Variants in MED13 observed in about 807,000 individuals in gnomAD.
MED13 encodes the protein mediator complex subunit 13, also known as mediator of RNA polymerase II transcription subunit 13.
A neutral mutation model predicts 225.2 loss-of-function variants in MED13; 23 were observed. The observed-to-expected ratio is 0.10, with a 90% confidence interval of 0.07 to 0.14. The LOEUF is 0.14. Among genes scored for constraint, MED13 ranks in the 10% least tolerant of loss-of-function variants. The pLI is 1.00. For synonymous variants in MED13, 942 were observed against 889.2 expected (o/e 1.06, Z -1.06); for missense variants, 2,197 against 2,594.5 (o/e 0.85, Z 3.33).
chr17:61,965,612 T>C, intron 19 of MED13, 144 bp from the exon 20 acceptor site: 1 of 751,744 alleles, frequency 1.3e-6, no homozygotes, highest in East Asian at 2.8e-5. Context: ...TGGTGTGACC[T>C]ACACTTGCTT....
intron 8 of MED13, among the ~76,000 whole-genome samples, chr17:62,017,013 A>C (rs2080588621): frequency 6.6e-6 from 1 of 151,130 alleles, no homozygotes. Flanking sequence ...TCCACCTCAA[A>C]AAATATATAA....
chr17:62,017,893 T>C (rs1285245384), intron 8 of MED13, among the ~76,000 whole-genome samples: 2 of 152,240 alleles, frequency 1.3e-5, no homozygotes, highest in Non-Finnish European at 2.9e-5. Flanking sequence ...GAAAAGCGCT[T>C]GTACGACTGA....
chr17:62,048,077 T>C (rs2080918280), intron 3 of MED13, among the ~76,000 whole-genome samples: 1 of 147,052 alleles, frequency 6.8e-6, no homozygotes, highest in East Asian at 2.0e-4. Flanking sequence ...TATATGTATA[T>C]ATATATCCCT....
At chr17:62,001,467 CTTA>C (rs748952909) in intron 9 of MED13, among the ~76,000 whole-genome samples, 5 of 152,144 alleles carry the variant, frequency 3.3e-5, no homozygotes, top group Non-Finnish European at 7.4e-5. Flanking sequence ...TTCCAAAATC[CTTA>C]TTTTCTAAAA....
intron 3 of MED13, among the ~76,000 whole-genome samples, chr17:62,043,482 A>C (rs1179595085): frequency 6.6e-6 from 1 of 152,214 alleles, no homozygotes; most frequent in African/African-American, 2.4e-5. Context: ...CCTGACTGAT[A>C]CAAGGTACGG....
chr17:61,992,697 G>GGA, intron 10 of MED13, 76 bp from the exon 11 acceptor site: 2 of 975,716 alleles, frequency 2.0e-6, no homozygotes, highest in Non-Finnish European at 3.3e-6. Context: ...TTGAGGAGCT[G>GGA]TGTGTCAGGC....
At chr17:61,961,541 A>AT in intron 22 of MED13, 47 bp downstream of exon 22, 6 of 1,191,200 alleles carry the variant, frequency 5.0e-6, no homozygotes, top group Non-Finnish European at 7.0e-6. Flanking sequence ...AAAAAAAAAA[A>AT]GGTATGTATA....
chr17:62,064,899 GAGA>G (rs1174800092), intron 1 of MED13, among the ~76,000 whole-genome samples: 3 of 152,234 alleles, frequency 2.0e-5, no homozygotes, highest in Non-Finnish European at 2.9e-5. Context: ...AGACTACGGT[GAGA>G]AGGAGAGTCC....
intron 3 of MED13, among the ~76,000 whole-genome samples, chr17:62,039,573 C>T (rs1352316941): frequency 6.6e-6 from 1 of 150,774 alleles, no homozygotes; most frequent in Non-Finnish European, 1.5e-5. Context: ...CATGAACCAC[C>T]GCACCCAGCC....
At chr17:62,009,356 G>A (rs2080484894) in intron 9 of MED13, among the ~76,000 whole-genome samples, 1 of 151,944 alleles carries the variant, frequency 6.6e-6, no homozygotes, top group Admixed American at 6.6e-5. Context: ...AACTAATGCA[G>A]GATTAATACC....
intron 8 of MED13, among the ~76,000 whole-genome samples, chr17:62,013,656 C>A (rs2080533054): frequency 6.6e-6 from 1 of 152,102 alleles, no homozygotes; most frequent in Admixed American, 6.5e-5. Flanking sequence ...TTTTACTGAA[C>A]GTTTTACCCA....
chr17:62,062,591 ACACACACAC>A (rs951325869), intron 2 of MED13, among the ~76,000 whole-genome samples: 12 of 76,786 alleles, frequency 1.6e-4, no homozygotes, highest in African/African-American at 8.3e-4. Flanking sequence ...ACACACACAC[ACACACACAC>A]CACACACACA....
intron 16 of MED13, 33 bp from the exon 17 acceptor site, chr17:61,972,921 G>T: frequency 6.5e-7 from 1 of 1,546,018 alleles, no homozygotes; most frequent in East Asian, 2.3e-5. Flanking sequence ...AAGTAATTAA[G>T]AATTGCTATT....
chr17:61,992,767 T>C, intron 10 of MED13, 146 bp from the exon 11 acceptor site: 4 of 526,968 alleles, frequency 7.6e-6, no homozygotes, highest in Non-Finnish European at 1.3e-5. Flanking sequence ...GTAAGTAGTA[T>C]GCTTATTATT....
rs61326861 is a variant in MED13 at position 61,955,855 on chromosome 17, T to TAAAAAAAAAAAAAAAAA, written c.5624-34_5624-18dup. 1.4e-6 allele frequency: 1 copy of TAAAAAAAAAAAAAAAAA among 719,982 alleles called. No individual in the cohort carries two copies. The highest frequency in any genetic ancestry group is 1.6e-6 in the Non-Finnish European group (1 of 612,976). 44.6% of individuals were successfully genotyped at this position (719,982 alleles called of 1,614,324 possible). On this transcript the variant is annotated splice_polypyrimidine_tract_variant and intron_variant, in intron 24 of 29. Transcript: ENST00000397786. ...AGCTCCAATCTGTGGGTATCAACAGTAAAAAAAAAAAAAAAAAAAAAAAAA... is the reference window on the plus strand; with the variant it reads ...AGCTCCAATCTGTGGGTATCAACAGTAAAAAAAAAAAAAAAAAAAAAAAAAAAAAAAAAAAAAAAAAA...
Position 62,052,689 on chromosome 17 carries a change from C to T in MED13, c.318G>A (p.Val106=), listed in dbSNP as rs1231450421. Residue 106 remains valine (V), a synonymous_variant, in exon 3 of 30, where the codon GTG becomes GTA. Coordinates refer to ENST00000397786, the MANE Select transcript of MED13 (RefSeq NM_005121.3). ...HHDLSEEEDG[V]WENGLSYECR... ...ATTCATAGGAAAGTCCATTCTCCCA[C>T]ACTCCATCTTCTTCTTCTAAAAGAG... is the stretch of plus-strand genomic sequence containing the variant. 7.6e-6 allele frequency: 12 copies of T among 1,574,060 alleles called. No individual in the cohort carries two copies. The highest frequency in any genetic ancestry group is 1.0e-5 in the Non-Finnish European group (12 of 1,158,040).
In MED13 at chr17:62,035,503, C is replaced by T; in HGVS notation, c.576G>A (p.Glu192=). ...QHQPVYLLSE[E]HITLAQQSNS... is the part of the protein sequence containing the mutation. ...TAGACTGTTGAGCAAGGGTGATATG[C>T]TCTTCACTGAGAAGGTATACAGGTT... The change falls in exon 4 of 30, where the codon GAG becomes GAA. Residue 192 remains glutamate, a synonymous_variant. Transcript: ENST00000397786. 2 of 1,613,256 alleles carry T rather than the reference C, an allele frequency of 1.2e-6. No individual in the cohort carries two copies. The highest frequency in any genetic ancestry group is 2.2e-5 in the East Asian group (1 of 44,818).
chr17:61,978,322 G>A (rs1401500055), intron 16 of MED13, among the ~76,000 whole-genome samples: 1 of 152,028 alleles, frequency 6.6e-6, no homozygotes, highest in African/African-American at 2.4e-5. Context: ...AGGATCTCGG[G>A]CTCACTGCAA....
chr17:62,024,986 T>C (rs2080686579), intron 8 of MED13, among the ~76,000 whole-genome samples: 1 of 152,240 alleles, frequency 6.6e-6, no homozygotes, highest in African/African-American at 2.4e-5. Context: ...AGTGCTGCTA[T>C]GAACATTCCC....
Sources: gnomAD v4.1 joint callset for allele counts (sites outside exome capture counted in the v4.1 genomes callset) on GRCh38, gnomAD v4.1.1 for gene constraint, MANE v1.5 for transcripts, NCBI Gene and HGNC (gene_info 2026-07-23, HGNC 2026-07-21) for gene names.